Variants in RALYL observed in about 807,000 individuals in gnomAD.
RALYL encodes the protein RALY RNA binding protein like, also known as RNA-binding Raly-like protein.
Under a neutral mutation model 35.1 loss-of-function variants are expected in RALYL, and 29 were observed. The ratio of observed to expected loss-of-function variants is 0.83; its 90% CI spans 0.61 to 1.13. The LOEUF (loss-of-function observed/expected upper bound fraction) is 1.13, where lower values mean the gene tolerates loss of function less well. Among genes scored for constraint, RALYL ranks in the 50% most tolerant of loss-of-function variants. The probability of loss-of-function intolerance (pLI) is 0.00; values close to 1 mark genes in which losing one functional copy is unlikely to be tolerated. For synonymous variants in RALYL, 120 were observed against 127.6 expected (o/e 0.94, Z 0.40); for missense variants, 359 against 360.4 (o/e 1.00, Z 0.03).
In RALYL at chr8:84,862,433, G is replaced by T. The variant is rs1838300562; in HGVS notation, c.551G>T (p.Ser184Ile). ...SMKGGSRSTA[S>I]GSTGSKLKSD... ...AAAGGTGGATCGAGATCTACTGCCA[G>T]TGGGTCAACAGGTTCTAAATGTAAG... The change falls in exon 6 of 9, where the codon AGT becomes ATT. Residue 184 changes from serine to isoleucine, a missense_variant. By Grantham distance (142) the Ser-to-Ile change is moderately radical. Coordinates refer to ENST00000521268, the MANE Select transcript of RALYL (RefSeq NM_173848.7). The T allele has an allele frequency of 1.2e-6, 2 of 1,604,270 alleles. No homozygotes were observed. The highest frequency in any genetic ancestry group is 3.4e-5 in the Admixed American group (2 of 58,264).
intron 1 of RALYL, among the ~76,000 whole-genome samples, chr8:84,384,632 A>G (rs1404841669): frequency 6.6e-6 from 1 of 151,690 alleles, no homozygotes; most frequent in African/African-American, 2.4e-5. Context: ...TGAGTGAAGT[A>G]CCTTATAAAA....
In RALYL at chr8:84,396,518, A is replaced by G. The variant is rs115630578; in HGVS notation, c.-23-132781A>G. Among the ~76,000 whole-genome samples the G allele has an allele frequency of 4.2e-3, 637 of 152,232 alleles. 6 individuals are homozygous for G. Among genetic ancestry groups the G allele is most frequent in the African/African-American group, 0.014 (594 of 41,566 alleles). ...AAGAACCCTTGTTCATGTTCCAGAC[A>G]CTGGGTATATAATCACCTGTGGACT... On this transcript the variant is annotated intron_variant, in intron 1 of 8. Transcript: ENST00000521268.
At chr8:84,846,279 A>C (rs951946323) in intron 4 of RALYL, among the ~76,000 whole-genome samples, 1 of 152,052 alleles carries the variant, frequency 6.6e-6, no homozygotes, top group Non-Finnish European at 1.5e-5. Context: ...ATGAACAAGG[A>C]GTGTTTTTCT....
chr8:84,521,684 A>T (rs2058470608), intron 1 of RALYL, among the ~76,000 whole-genome samples: 1 of 152,226 alleles, frequency 6.6e-6, no homozygotes. Flanking sequence ...ATAATTGTTT[A>T]ACATGGAAGT....
chr8:84,691,748 T>C (rs1838103432), intron 2 of RALYL, among the ~76,000 whole-genome samples: 1 of 151,856 alleles, frequency 6.6e-6, no homozygotes, highest in African/African-American at 2.4e-5. Context: ...ATATTCCAGG[T>C]AGATAGAAAG....
intron 1 of RALYL, among the ~76,000 whole-genome samples, chr8:84,474,889 C>G (rs556367998): frequency 1.3e-5 from 2 of 150,224 alleles, no homozygotes; most frequent in Admixed American, 6.7e-5. Flanking sequence ...CAGCCCCACC[C>G]CACCCTTTTT....
chr8:84,223,939 T>C (rs1823166430), intron 1 of RALYL, among the ~76,000 whole-genome samples: 1 of 152,190 alleles, frequency 6.6e-6, no homozygotes, highest in Non-Finnish European at 1.5e-5. Context: ...CACTCAGGCA[T>C]TACTTAGATA....
At chr8:84,794,517 G>A (rs904558169) in intron 3 of RALYL, among the ~76,000 whole-genome samples, 3 of 152,208 alleles carry the variant, frequency 2.0e-5, no homozygotes, top group African/African-American at 7.2e-5. Flanking sequence ...ACTGAGATGA[G>A]CAAATCTTGC....
chr8:84,513,021 G>A (rs2057752472), intron 1 of RALYL, among the ~76,000 whole-genome samples: 1 of 151,936 alleles, frequency 6.6e-6, no homozygotes, highest in Non-Finnish European at 1.5e-5. Flanking sequence ...TCTTCTTTTG[G>A]TTCCATATAA....
At chr8:84,402,857 C>A (rs936126545) in intron 1 of RALYL, among the ~76,000 whole-genome samples, 1 of 152,150 alleles carries the variant, frequency 6.6e-6, no homozygotes, top group Non-Finnish European at 1.5e-5. Flanking sequence ...GCCATTCTAA[C>A]TGGTGTGAGA....
At chr8:84,187,545 C>G (rs1812828190) in intron 1 of RALYL, among the ~76,000 whole-genome samples, 3 of 151,956 alleles carry the variant, frequency 2.0e-5, no homozygotes, top group Admixed American at 2.0e-4. Flanking sequence ...AAGACACATC[C>G]TTAGCCATAA....
intron 1 of RALYL, among the ~76,000 whole-genome samples, chr8:84,327,612 C>A (rs192392913): frequency 5.3e-4 from 81 of 151,944 alleles, no homozygotes; most frequent in African/African-American, 1.8e-3. Context: ...CAATGGCAGA[C>A]TTGAGTGGTT....
At chr8:84,567,246 T>C (rs1338799292) in intron 2 of RALYL, among the ~76,000 whole-genome samples, 1 of 151,818 alleles carries the variant, frequency 6.6e-6, no homozygotes, top group Non-Finnish European at 1.5e-5. Context: ...AGACAGCATG[T>C]CTAAATGCAT....
At chr8:84,544,164 A>G (rs2135309864) in intron 2 of RALYL, among the ~76,000 whole-genome samples, 1 of 152,206 alleles carries the variant, frequency 6.6e-6, no homozygotes, top group Middle Eastern at 3.4e-3. Flanking sequence ...TTATGTCACC[A>G]AGTAAATACA....
intron 5 of RALYL, among the ~76,000 whole-genome samples, chr8:84,857,644 A>G (rs746641770): frequency 1.3e-5 from 2 of 152,194 alleles, no homozygotes; most frequent in African/African-American, 2.4e-5. Flanking sequence ...AAAATGCCCC[A>G]CAGCCATTAA....
chr8:84,368,215 G>A lies in RALYL; in HGVS notation c.-23-161084G>A, dbSNP rs376114800. Among the ~76,000 whole-genome samples the A allele has an allele frequency of 1.5e-4, 23 of 152,224 alleles. 1 individual carries two copies. The East Asian group carries it at 4.1e-3, about 27-fold the overall frequency. ...CATGTATCTATTTAGATATGTGCAA[G>A]CGCTATTCTCTCCCTCTTTCTCAAA... On this transcript the variant is annotated intron_variant, in intron 1 of 8. Coordinates refer to ENST00000521268, the MANE Select transcript of RALYL (RefSeq NM_173848.7).
intron 4 of RALYL, among the ~76,000 whole-genome samples, chr8:84,819,441 A>G (rs1286870988): frequency 6.6e-6 from 1 of 152,234 alleles, no homozygotes; most frequent in East Asian, 1.9e-4. Context: ...AAACTGCACT[A>G]TGATGGCATA....
chr8:84,801,872 A>ATGT (rs149847253), intron 3 of RALYL, among the ~76,000 whole-genome samples: 2 of 152,202 alleles, frequency 1.3e-5, no homozygotes, highest in Non-Finnish European at 2.9e-5. Context: ...TCAGGTGAAT[A>ATGT]TGTTAGTAGG....
At chr8:84,208,555 G>T (rs572156237) in intron 1 of RALYL, among the ~76,000 whole-genome samples, 3 of 152,270 alleles carry the variant, frequency 2.0e-5, no homozygotes, top group Non-Finnish European at 4.4e-5. Context: ...CTCAAGAATA[G>T]AGAAACTTGG....
Sources: allele counts gnomAD v4.1 joint callset (sites outside exome capture counted in the v4.1 genomes callset), GRCh38; gene constraint gnomAD v4.1.1; transcripts MANE v1.5; gene names NCBI Gene and HGNC (gene_info 2026-07-23, HGNC 2026-07-21).